TANGO6: variants seen among roughly 807,000 people sequenced by gnomAD.
TANGO6 encodes transport and Golgi organization protein 6 homolog.
Under a neutral mutation model 114.2 loss-of-function variants are expected in TANGO6, and 90 were observed. That is an observed-to-expected ratio of 0.79 (90% CI 0.66 to 0.94). The LOEUF is 0.94. Ranked by LOEUF, TANGO6 falls within the 40% of genes least tolerant of loss-of-function variation. TANGO6 has a pLI of 0.00. For missense variants in TANGO6, 1,274 were observed against 1,315.3 expected, an observed-to-expected ratio of 0.97 and a Z score of 0.49; for synonymous variants, 477 against 509.8, an observed-to-expected ratio of 0.94 and a Z score of 0.87.
intron 15 of TANGO6, among the ~76,000 whole-genome samples, chr16:68,999,921 C>T (rs1035486316): frequency 6.6e-6 from 1 of 152,134 alleles, no homozygotes; most frequent in Non-Finnish European, 1.5e-5. Flanking sequence ...CCAAAGTTAT[C>T]AGAGATGTAT....
At chr16:69,083,355 A>C in intron 17 of TANGO6, 130 bp from the exon 18 acceptor site, 1 of 1,204,796 alleles carries the variant, frequency 8.3e-7, no homozygotes, top group East Asian at 2.6e-5. Flanking sequence ...CACTGCACCC[A>C]GCCACATTAT....
At chr16:68,911,604 A>AC (rs1402817711) in intron 11 of TANGO6, among the ~76,000 whole-genome samples, 1 of 152,030 alleles carries the variant, frequency 6.6e-6, no homozygotes, top group African/African-American at 2.4e-5. Context: ...TTTAGTAGAG[A>AC]CGGGGTTTCG....
intron 14 of TANGO6, among the ~76,000 whole-genome samples, chr16:68,970,805 C>G (rs754504484): frequency 1.3e-5 from 2 of 152,076 alleles, no homozygotes; most frequent in Non-Finnish European, 2.9e-5. Flanking sequence ...AAAGTCATGA[C>G]TACATTCCTA....
chr16:68,879,270 C>T (rs1962420359), intron 6 of TANGO6, among the ~76,000 whole-genome samples: 1 of 151,978 alleles, frequency 6.6e-6, no homozygotes, highest in Non-Finnish European at 1.5e-5. Context: ...TCACTTGAGC[C>T]CAGGAGTTTG....
At chr16:68,935,764 T>C (rs1054286312) in intron 14 of TANGO6, among the ~76,000 whole-genome samples, 1 of 152,250 alleles carries the variant, frequency 6.6e-6, no homozygotes, top group African/African-American at 2.4e-5. Context: ...TTCTTCACTG[T>C]TTTTATCATC....
At chr16:68,901,254 C>T (rs138966392) in intron 8 of TANGO6, among the ~76,000 whole-genome samples, 2,007 of 152,198 alleles carry the variant, frequency 0.013, 13 homozygotes, top group Non-Finnish European at 0.017. Flanking sequence ...GTACAGTCCC[C>T]GGCAAATAGT....
chr16:68,950,132 T>C (rs1385940049), intron 14 of TANGO6, among the ~76,000 whole-genome samples: 1 of 152,068 alleles, frequency 6.6e-6, no homozygotes, highest in Non-Finnish European at 1.5e-5. Flanking sequence ...TGTCAGAGGA[T>C]GTGGGGGATG....
rs1963233050 is a variant in TANGO6, at chr16:68,931,015, A to C, written c.2701+720A>C. On this transcript the variant is annotated intron_variant, in intron 14 of 17. Transcript: ENST00000261778. ...GGTATTAAATATTTTCTTATCAAAA[A>C]ATTTTTTGCAGTAACTTTATTTCTC... is the stretch of plus-strand genomic sequence containing the variant. Among the ~76,000 whole-genome samples, 3 of 152,160 alleles carry C rather than the reference A, an allele frequency of 2.0e-5. No individual in the cohort carries two copies. The South Asian group carries it at 6.2e-4, about 31-fold the overall frequency.
intron 14 of TANGO6, among the ~76,000 whole-genome samples, chr16:68,945,855 T>G (rs1451531821): frequency 6.6e-6 from 1 of 152,074 alleles, no homozygotes; most frequent in Non-Finnish European, 1.5e-5. Flanking sequence ...CCAGTTAATT[T>G]TTGTATTTTT....
At chr16:69,073,166 C>T (rs1960321277) in intron 17 of TANGO6, among the ~76,000 whole-genome samples, 1 of 152,026 alleles carries the variant, frequency 6.6e-6, no homozygotes, top group Non-Finnish European at 1.5e-5. Context: ...GCTGTACCTG[C>T]ATAGCAAGCA....
At chr16:69,051,071 A>G (rs1959940986) in intron 17 of TANGO6, among the ~76,000 whole-genome samples, 1 of 151,930 alleles carries the variant, frequency 6.6e-6, no homozygotes, top group South Asian at 2.1e-4. Context: ...TACATATTAA[A>G]TTGATTGCAT....
intron 13 of TANGO6, 113 bp from the exon 14 acceptor site, chr16:68,930,125 C>A: frequency 2.3e-6 from 2 of 870,186 alleles, no homozygotes; most frequent in South Asian, 1.6e-5. Context: ...CCAGTTTCTA[C>A]CCAAGAAAAA....
rs895206020 is a variant in TANGO6 at position 68,860,643 on chromosome 16, G to A, written c.735+119G>A. 14 of 1,292,246 alleles carry A rather than the reference G, an allele frequency of 1.1e-5. No homozygotes were observed. The South Asian group carries it at 2.1e-4, about 20-fold the overall frequency. The allele number at this position is 1,292,246 out of a possible 1,614,324, so 80.0% of individuals were successfully genotyped here. On this transcript the variant is annotated intron_variant, in intron 2 of 17. Coordinates refer to ENST00000261778, the MANE Select transcript of TANGO6 (RefSeq NM_024562.2). Reference sequence around the variant, plus strand: ...GTTCTTCAGAACTGGATATGCCAAAGCATATCCAATGGATAAATGAATCTT... The same window carrying A: ...GTTCTTCAGAACTGGATATGCCAAAACATATCCAATGGATAAATGAATCTT...
chr16:68,928,074 G>A lies in TANGO6; in HGVS notation c.2634G>A (p.Lys878=), dbSNP rs745376836. 3.8e-6 allele frequency: 6 copies of A among 1,578,576 alleles called. No individual in the cohort carries two copies. The highest frequency in any genetic ancestry group is 4.3e-6 in the Non-Finnish European group (5 of 1,161,698). Residue 878 remains lysine (K), a synonymous_variant, in exon 13 of 18, where the codon AAG becomes AAA. Coordinates refer to ENST00000261778, the MANE Select transcript of TANGO6 (RefSeq NM_024562.2). ...CAAAAGCCCTTGAGATGCAAGAGAA[G>A]CTTCTCAAGGTGAGTAGAACACACT... is the stretch of plus-strand genomic sequence containing the variant. The part of the protein sequence containing the change: ...REAKALEMQE[K]LLKIFLENLE...
chr16:69,037,831 G>T (rs1394650036), intron 16 of TANGO6, among the ~76,000 whole-genome samples: 1 of 152,204 alleles, frequency 6.6e-6, no homozygotes, highest in African/African-American at 2.4e-5. Flanking sequence ...TTGATTAAAT[G>T]CCAGCGCATC....
intron 17 of TANGO6, among the ~76,000 whole-genome samples, chr16:69,056,329 G>T (rs1960031547): frequency 6.6e-6 from 1 of 152,024 alleles, no homozygotes; most frequent in Admixed American, 6.6e-5. Flanking sequence ...TATTTAAAAT[G>T]GCCAAAAGTT....
chr16:69,068,809 A>G (rs1960255662), intron 17 of TANGO6, among the ~76,000 whole-genome samples: 1 of 152,056 alleles, frequency 6.6e-6, no homozygotes, highest in Non-Finnish European at 1.5e-5. Context: ...CGCCTCCCAG[A>G]TTCAAGCAAT....
chr16:68,868,349 A>G (rs183551206), intron 4 of TANGO6, among the ~76,000 whole-genome samples: 4 of 152,122 alleles, frequency 2.6e-5, no homozygotes, highest in African/African-American at 4.8e-5. Context: ...AGACATGTAC[A>G]TCATTTAAAG....
At chr16:68,924,902 G>A (rs1963146674) in intron 12 of TANGO6, among the ~76,000 whole-genome samples, 1 of 152,136 alleles carries the variant, frequency 6.6e-6, no homozygotes, top group Non-Finnish European at 1.5e-5. Context: ...CATACAGGTT[G>A]TGGGCACCTG....
Sources: allele counts gnomAD v4.1 joint callset (sites outside exome capture counted in the v4.1 genomes callset), GRCh38; gene constraint gnomAD v4.1.1; transcripts MANE v1.5; gene names NCBI Gene and HGNC (gene_info 2026-07-23, HGNC 2026-07-21).